Variants in RNLS observed in about 807,000 individuals in gnomAD.
RNLS encodes the protein renalase.
In RNLS, 39 loss-of-function variants were observed where a neutral mutation model predicts 39.8. The ratio of observed to expected loss-of-function variants is 0.98; its 90% CI spans 0.76 to 1.28. RNLS has a LOEUF of 1.28. RNLS is among the 50% of genes most tolerant of loss of function. RNLS has a pLI of 0.00. For synonymous variants in RNLS, 147 were observed against 150.7 expected (o/e 0.98, Z 0.18); for missense variants, 410 against 413.3 (o/e 0.99, Z 0.07).
At chr10:88,288,874 T>A (rs1283672876) in intron 6 of RNLS, among the ~76,000 whole-genome samples, 1 of 152,126 alleles carries the variant, frequency 6.6e-6, no homozygotes, top group African/African-American at 2.4e-5. Flanking sequence ...CCTTCACCCA[T>A]GTAAAGTAAG....
chr10:88,270,816 C>T (rs555998619), downstream of RNLS, among the ~76,000 whole-genome samples: 1 of 152,070 alleles, frequency 6.6e-6, no homozygotes, highest in Non-Finnish European at 1.5e-5. Context: ...ATGGAAAATA[C>T]CTTTTCTGGG....
chr10:88,522,133 C>A (rs943843411), intron 4 of RNLS, among the ~76,000 whole-genome samples: 15 of 152,034 alleles, frequency 9.9e-5, no homozygotes, highest in African/African-American at 3.4e-4. Flanking sequence ...GGCCAATGCA[C>A]CCTTGCTTTG....
chr10:88,457,706 G>A (rs983655636), intron 4 of RNLS, among the ~76,000 whole-genome samples: 2 of 152,156 alleles, frequency 1.3e-5, no homozygotes, highest in Non-Finnish European at 2.9e-5. Context: ...TTATTAGAAC[G>A]TTTAATCCTT....
the RNLS span, among the ~76,000 whole-genome samples, chr10:88,254,289 G>C: frequency 1.8e-4 from 27 of 152,292 alleles, no homozygotes; most frequent in Non-Finnish European, 1.5e-5. Flanking sequence ...ACTAACTCCT[G>C]CCACACTGAA....
At chr10:88,270,828 A>C (rs908350081), downstream of RNLS, among the ~76,000 whole-genome samples, 2 of 152,190 alleles carry the variant, frequency 1.3e-5, no homozygotes, top group Non-Finnish European at 2.9e-5. Flanking sequence ...TTTTCTGGGT[A>C]CGTTTATTTG....
intron 4 of RNLS, among the ~76,000 whole-genome samples, chr10:88,495,642 A>G (rs1196136715): frequency 6.6e-6 from 1 of 152,148 alleles, no homozygotes; most frequent in Non-Finnish European, 1.5e-5. Context: ...GAGAATATAG[A>G]AATGGAAATG....
intron 6 of RNLS, among the ~76,000 whole-genome samples, chr10:88,304,795 C>T (rs978139353): frequency 2.6e-5 from 4 of 152,110 alleles, no homozygotes; most frequent in African/African-American, 9.7e-5. Context: ...GAGAGCCTCC[C>T]CATCCTAGCT....
intron 6 of RNLS, among the ~76,000 whole-genome samples, chr10:88,275,651 A>G (rs1288805806): frequency 6.6e-6 from 1 of 152,220 alleles, no homozygotes; most frequent in African/African-American, 2.4e-5. Context: ...ATAAAGTTCT[A>G]AATACATACA....
intron 5 of RNLS, among the ~76,000 whole-genome samples, chr10:88,341,591 A>T (rs559141742): frequency 1.7e-4 from 26 of 152,228 alleles, no homozygotes; most frequent in Middle Eastern, 3.4e-3. Flanking sequence ...GTGCCATATA[A>T]TTATTTAAAA....
intron 5 of RNLS, chr10:88,343,757 A>G (rs1313322512): frequency 1.0e-6 from 1 of 985,338 alleles, no homozygotes; most frequent in Admixed American, 6.1e-5. Context: ...GAAAACATCT[A>G]TTTATCCTGG....
chr10:88,311,432 G>A (rs1368353195), intron 6 of RNLS, among the ~76,000 whole-genome samples: 1 of 152,142 alleles, frequency 6.6e-6, no homozygotes, highest in African/African-American at 2.4e-5. Context: ...ATTATGGAAG[G>A]CAAATAGCTG....
chr10:88,565,747 CTTT>C (rs34655092), intron 4 of RNLS, among the ~76,000 whole-genome samples: 1 of 98,052 alleles, frequency 1.0e-5, no homozygotes. Flanking sequence ...CGTTATCTTT[CTTT>C]TTTTTTTTTT....
At chr10:88,430,820 C>T (rs913552787) in intron 4 of RNLS, among the ~76,000 whole-genome samples, 5 of 151,660 alleles carry the variant, frequency 3.3e-5, no homozygotes, top group African/African-American at 1.2e-4. Flanking sequence ...ACAAACCTTC[C>T]ATTTATGGGA....
At chr10:88,236,799 C>T in the RNLS span, among the ~76,000 whole-genome samples, 2 of 152,174 alleles carry the variant, frequency 1.3e-5, no homozygotes. Flanking sequence ...CCTGCAGAGT[C>T]TACTGCAAGG....
At chr10:88,524,290 C>T (rs1308022314) in intron 4 of RNLS, among the ~76,000 whole-genome samples, 3 of 151,954 alleles carry the variant, frequency 2.0e-5, no homozygotes, top group Non-Finnish European at 2.9e-5. Context: ...TATATTGTGA[C>T]GTTAAAAAGG....
the RNLS span, among the ~76,000 whole-genome samples, chr10:88,238,230 G>C: frequency 6.6e-6 from 1 of 152,194 alleles, no homozygotes; most frequent in African/African-American, 2.4e-5. Context: ...TAGAACATAT[G>C]TGTTGAATAT....
chr10:88,467,962 C>T (rs1179495593), intron 4 of RNLS, among the ~76,000 whole-genome samples: 1 of 152,216 alleles, frequency 6.6e-6, no homozygotes, highest in African/African-American at 2.4e-5. Context: ...TTGCTACAGC[C>T]ATTCCAAACA....
At chr10:88,419,380 T>C (rs1375899262) in intron 4 of RNLS, among the ~76,000 whole-genome samples, 1 of 152,178 alleles carries the variant, frequency 6.6e-6, no homozygotes, top group Non-Finnish European at 1.5e-5. Context: ...GCCAGAAGAC[T>C]AGTCTATCAG....
At chr10:88,492,110 C>A (rs140870177) in intron 4 of RNLS, among the ~76,000 whole-genome samples, 1 of 152,140 alleles carries the variant, frequency 6.6e-6, no homozygotes, top group African/African-American at 2.4e-5. Flanking sequence ...TATAGTAACA[C>A]GTGTTACATA....
Sources: gnomAD v4.1 joint callset for allele counts (sites outside exome capture counted in the v4.1 genomes callset) on GRCh38, gnomAD v4.1.1 for gene constraint, MANE v1.5 for transcripts, NCBI Gene and HGNC (gene_info 2026-07-23, HGNC 2026-07-21) for gene names.